Variants in TMEFF2 observed in about 807,000 individuals in gnomAD.
TMEFF2 encodes the protein transmembrane protein with EGF like and two follistatin like domains 2.
TMEFF2 carries 28 observed loss-of-function variants against 53.8 expected under a neutral mutation model. The observed-to-expected ratio is 0.52, with a 90% CI of 0.39 to 0.71. The LOEUF is 0.71. Among genes scored for constraint, TMEFF2 ranks in the 30% least tolerant of loss-of-function variants. The probability of loss-of-function intolerance (pLI) is 0.00; values close to 1 mark genes in which losing one functional copy is unlikely to be tolerated. For synonymous variants in TMEFF2, 162 were observed against 166.3 expected (o/e 0.97, Z 0.20); for missense variants, 353 against 455.2 (o/e 0.78, Z 2.04).
chr2:191,951,430 T>C (rs35022232), intron 9 of TMEFF2, among the ~76,000 whole-genome samples: 43,266 of 141,334 alleles, frequency 0.31, 6,300 homozygotes, highest in African/African-American at 0.33. Context: ...GAGAAAAGAT[T>C]TTTTTAAAAA....
chr2:192,029,399 G>A (rs1687059420), intron 5 of TMEFF2: 1 of 152,180 alleles, frequency 6.6e-6, no homozygotes, highest in South Asian at 2.1e-4. Context: ...AAACTCTGAG[G>A]TATAAACATT....
At chr2:191,961,444 G>A (rs1692270469) in intron 7 of TMEFF2, among the ~76,000 whole-genome samples, 1 of 152,116 alleles carries the variant, frequency 6.6e-6, no homozygotes, top group South Asian at 2.1e-4. Flanking sequence ...TGTAATGACA[G>A]TAGAGGGAAA....
chr2:191,949,908 A>AATG lies in TMEFF2; in HGVS notation c.*400_*402dup. On this transcript the variant is annotated 3_prime_UTR_variant, in exon 10 of 10. Transcript: ENST00000272771. Reference sequence around the variant, plus strand: ...CTAGCCACTGAGTCCTGTACGAACTAATGTGCTGTCTCAAGATGAGAAGAA... The same window carrying AATG: ...CTAGCCACTGAGTCCTGTACGAACTAATGATGTGCTGTCTCAAGATGAGAAGAA... 1.0e-6 allele frequency: 1 copy of AATG among 997,552 alleles called. No individual in the cohort carries two copies. Among genetic ancestry groups the AATG allele is most frequent in the South Asian group, 4.5e-5 (1 of 22,452 alleles). 61.8% of individuals were successfully genotyped at this position (997,552 alleles called of 1,614,324 possible).
intron 7 of TMEFF2, among the ~76,000 whole-genome samples, chr2:191,991,667 C>T (rs975409008): frequency 1.3e-5 from 2 of 151,976 alleles, no homozygotes; most frequent in African/African-American, 4.8e-5. Context: ...ACACTTATGG[C>T]AGAGAAGAGT....
chr2:192,189,988 C>T (rs1691422477), intron 2 of TMEFF2, among the ~76,000 whole-genome samples: 1 of 152,182 alleles, frequency 6.6e-6, no homozygotes, highest in South Asian at 2.1e-4. Flanking sequence ...GTTTCTTACA[C>T]AGACTTGCAT....
chr2:192,043,439 G>A (rs1687533988), intron 5 of TMEFF2, among the ~76,000 whole-genome samples: 1 of 152,198 alleles, frequency 6.6e-6, no homozygotes, highest in South Asian at 2.1e-4. Flanking sequence ...ACCTTCAGCT[G>A]TTTGCCAGAA....
rs75214004 is a variant in TMEFF2, at chr2:192,000,438, T to G, written c.537-1230A>C. ...TGGAATAAGGTCCCACTCATAGATT[T>G]GTTAAGCTAAAACCCAACCCCCTCT... is the stretch of plus-strand genomic sequence containing the variant. On this transcript the variant is annotated intron_variant, in intron 5 of 9. Transcript: ENST00000272771. Among the ~76,000 whole-genome samples the G allele has an allele frequency of 5.1e-3, 778 of 152,302 alleles. 7 individuals carry two copies. Among genetic ancestry groups the G allele is most frequent in the African/African-American group, 0.018 (744 of 41,566 alleles).
intron 4 of TMEFF2, among the ~76,000 whole-genome samples, chr2:192,095,693 T>C (rs1688886959): frequency 6.6e-6 from 1 of 152,182 alleles, no homozygotes; most frequent in Admixed American, 6.5e-5. Flanking sequence ...AATAAACTAA[T>C]GGCAAAGCTA....
In TMEFF2 at chr2:192,096,117, A is replaced by C. The variant is rs375996579; in HGVS notation, c.440-38342T>G. Among the ~76,000 whole-genome samples, 13 of 152,176 alleles carry C rather than the reference A, an allele frequency of 8.5e-5. No homozygotes were observed. The East Asian group carries it at 1.3e-3, about 16-fold the overall frequency. ...ATGGCATTTGGATGGGTGTTCTACT[A>C]TGAAAAACAAAGCGGTTGATATTAC... is the stretch of plus-strand genomic sequence containing the variant. On this transcript the variant is annotated intron_variant, in intron 4 of 9. Transcript: ENST00000272771.
intron 7 of TMEFF2, among the ~76,000 whole-genome samples, chr2:191,959,763 A>C (rs899001908): frequency 1.1e-4 from 16 of 152,194 alleles, no homozygotes; most frequent in African/African-American, 3.6e-4. Context: ...AATTTGACTA[A>C]ATCTATCCAT....
At chr2:192,026,923 TA>T (rs1331874558) in intron 5 of TMEFF2, among the ~76,000 whole-genome samples, 1 of 152,252 alleles carries the variant, frequency 6.6e-6, no homozygotes, top group Non-Finnish European at 1.5e-5. Context: ...TGCAAGCCAT[TA>T]AAAGGGCGTA....
At chr2:192,052,744 A>T (rs554982943) in intron 5 of TMEFF2, among the ~76,000 whole-genome samples, 5 of 152,162 alleles carry the variant, frequency 3.3e-5, no homozygotes, top group Non-Finnish European at 7.4e-5. Flanking sequence ...AAGAGAAATG[A>T]TATTTTAATC....
chr2:191,989,587 G>T (rs569562452), intron 7 of TMEFF2, among the ~76,000 whole-genome samples: 2 of 152,270 alleles, frequency 1.3e-5, no homozygotes, highest in East Asian at 3.9e-4. Flanking sequence ...GATGTAAATT[G>T]TCTGTGAACA....
chr2:192,046,367 GAAAAAAA>G (rs1332302374), intron 5 of TMEFF2, among the ~76,000 whole-genome samples: 2 of 151,248 alleles, frequency 1.3e-5, no homozygotes, highest in East Asian at 1.9e-4. Flanking sequence ...CTGTCTCAAA[GAAAAAAA>G]AGAAAAAAGA....
At chr2:192,118,543 G>C (rs1211581275) in intron 4 of TMEFF2, among the ~76,000 whole-genome samples, 1 of 152,156 alleles carries the variant, frequency 6.6e-6, no homozygotes, top group Non-Finnish European at 1.5e-5. Flanking sequence ...GTGATGTGAA[G>C]TGTACAGTAA....
chr2:192,034,174 C>CA (rs5837274), intron 5 of TMEFF2, among the ~76,000 whole-genome samples: 53,104 of 105,244 alleles, frequency 0.5, 11,476 homozygotes, highest in Non-Finnish European at 0.54. Flanking sequence ...GACTCCATTT[C>CA]AAAAAAAAAA....
At chr2:192,034,514 T>A (rs1687234769) in intron 5 of TMEFF2, among the ~76,000 whole-genome samples, 1 of 152,232 alleles carries the variant, frequency 6.6e-6, no homozygotes, top group Non-Finnish European at 1.5e-5. Flanking sequence ...TCTACATTGG[T>A]AGGTCCTATA....
chr2:192,077,098 T>C (rs1688450154), intron 4 of TMEFF2, among the ~76,000 whole-genome samples: 1 of 152,150 alleles, frequency 6.6e-6, no homozygotes, highest in South Asian at 2.1e-4. Flanking sequence ...GATAGATATA[T>C]GCAAGTAAGG....
chr2:192,122,832 TC>T (rs1217546644), intron 4 of TMEFF2, among the ~76,000 whole-genome samples: 4 of 152,094 alleles, frequency 2.6e-5, no homozygotes, highest in African/African-American at 9.7e-5. Context: ...TGTGATTCAA[TC>T]ATTTATAAAT....
Sources: allele counts gnomAD v4.1 joint callset (sites outside exome capture counted in the v4.1 genomes callset), GRCh38; gene constraint gnomAD v4.1.1; transcripts MANE v1.5; gene names NCBI Gene and HGNC (gene_info 2026-07-23, HGNC 2026-07-21).